ODF2L: variants seen among roughly 807,000 people sequenced by gnomAD.
ODF2L encodes protein BCAP.
ODF2L carries 76 observed loss-of-function variants against 86.3 expected under a neutral mutation model. The ratio of observed to expected loss-of-function variants is 0.88; its 90% CI spans 0.73 to 1.07. The LOEUF is 1.07. Ranked by LOEUF, ODF2L falls within the 50% of genes least tolerant of loss-of-function variation. ODF2L has a pLI of 0.00. For missense variants in ODF2L, 748 were observed against 717.4 expected, an observed-to-expected ratio of 1.04 and a Z score of -0.49; for synonymous variants, 241 against 231.3, an observed-to-expected ratio of 1.04 and a Z score of -0.38.
At chr1:86,362,813 C>T (rs557909075) in intron 11 of ODF2L, among the ~76,000 whole-genome samples, 43 of 152,246 alleles carry the variant, frequency 2.8e-4, no homozygotes, top group Admixed American at 2.8e-3. Flanking sequence ...GTGCCCGCCA[C>T]CATGCCCAGT....
At chr1:86,386,809 T>C (rs764409506) in intron 2 of ODF2L, 106 bp downstream of exon 2, 3 of 565,720 alleles carry the variant, frequency 5.3e-6, no homozygotes, top group Non-Finnish European at 9.3e-6. Flanking sequence ...TTGGAAAAGA[T>C]ACTCTTAAAA....
At chr1:86,395,138 CG>C (rs1165287533) in intron 1 of ODF2L, among the ~76,000 whole-genome samples, 1 of 152,172 alleles carries the variant, frequency 6.6e-6, no homozygotes, top group Non-Finnish European at 1.5e-5. Flanking sequence ...CCACCGCGCC[CG>C]GCCCGGTTTG....
chr1:86,384,180 C>T (rs1291265739), intron 4 of ODF2L, among the ~76,000 whole-genome samples: 1 of 151,600 alleles, frequency 6.6e-6, no homozygotes, highest in East Asian at 1.9e-4. Flanking sequence ...AAAAGGGAGT[C>T]AGAAGAATAA....
chr1:86,383,965 T>A (rs751556150), intron 4 of ODF2L, among the ~76,000 whole-genome samples: 3 of 151,790 alleles, frequency 2.0e-5, no homozygotes, highest in Non-Finnish European at 3.0e-5. Flanking sequence ...GTAACATATA[T>A]AAAGAAACAA....
intron 1 of ODF2L, among the ~76,000 whole-genome samples, chr1:86,388,097 G>C (rs1044472834): frequency 1.3e-5 from 2 of 151,978 alleles, no homozygotes. Context: ...ATGAAGTATG[G>C]TCACATTTTT....
chr1:86,356,366 G>A, intron 14 of ODF2L, 78 bp downstream of exon 13: 2 of 1,161,664 alleles, frequency 1.7e-6, no homozygotes, highest in Admixed American at 2.3e-5. Context: ...GCCCTGACAT[G>A]AGTGCCCTCA....
intron 5 of ODF2L, 39 bp from the exon 6 acceptor site, chr1:86,383,041 C>G: frequency 7.5e-7 from 1 of 1,325,538 alleles, no homozygotes; most frequent in Non-Finnish European, 1.1e-6. Flanking sequence ...AATTTCACAA[C>G]TTGGATAATA....
chr1:86,381,438 A>G (rs71662158), intron 7 of ODF2L, among the ~76,000 whole-genome samples: 8,328 of 152,174 alleles, frequency 0.055, 298 homozygotes, highest in African/African-American at 0.093. Flanking sequence ...AAAGGAACAC[A>G]CACACACACA....
intron 1 of ODF2L, among the ~76,000 whole-genome samples, chr1:86,390,494 A>C (rs1661247062): frequency 6.6e-6 from 1 of 152,226 alleles, no homozygotes; most frequent in South Asian, 2.1e-4. Flanking sequence ...ATGATCAAGC[A>C]GGTTTCATAC....
At chr1:86,380,932 T>C (rs1660536961) in intron 7 of ODF2L, among the ~76,000 whole-genome samples, 2 of 151,116 alleles carry the variant, frequency 1.3e-5, no homozygotes, top group African/African-American at 4.9e-5. Context: ...TGTTGCCAAA[T>C]TGAGTTCATT....
At position 86,372,314 on chromosome 1, in the gene ODF2L, T is replaced by C. The variant is rs903469690; in HGVS notation, c.920+117A>G. The C allele has an allele frequency of 2.1e-4, 91 of 423,370 alleles. 1 individual carries two copies. Among genetic ancestry groups the C allele is most frequent in the Non-Finnish European group, 1.1e-4 (26 of 239,382 alleles). The allele number at this position is 423,370 out of a possible 1,614,324, so 26.2% of individuals were successfully genotyped here. A position where few individuals can be genotyped will look rare whatever the true frequency, so the allele number is the denominator to read the frequency against. On this transcript the variant is annotated intron_variant, in intron 9 of 17. Coordinates refer to ENST00000317336, the Ensembl canonical transcript of ODF2L. ...TAAATAGCAAAAATATCAAATCATA[T>C]AGGTAGCACCTTTACCATATGTAAT...
At chr1:86,388,611 G>A (rs1661105617) in intron 1 of ODF2L, among the ~76,000 whole-genome samples, 1 of 151,008 alleles carries the variant, frequency 6.6e-6, no homozygotes, top group African/African-American at 2.4e-5. Context: ...GTCTTTTCAG[G>A]GATCATTAAA....
chr1:86,391,896 A>T (rs1661357579), intron 1 of ODF2L, among the ~76,000 whole-genome samples: 1 of 152,236 alleles, frequency 6.6e-6, no homozygotes, highest in Admixed American at 6.5e-5. Flanking sequence ...AGGAATAGTC[A>T]GCAGACTAAA....
At chr1:86,360,301 C>T in intron 12 of ODF2L, 125 bp downstream of exon 11, 2 of 548,418 alleles carry the variant, frequency 3.6e-6, no homozygotes, top group South Asian at 5.4e-5. Flanking sequence ...ATTTGAGACA[C>T]ACCATATTAT....
chr1:86,382,092 CA>C, intron 7 of ODF2L, 149 bp downstream of exon 7: 3 of 1,135,868 alleles, frequency 2.6e-6, no homozygotes, highest in East Asian at 6.4e-5. Context: ...AGTTAGGCCA[CA>C]AATATTAAGA....
rs1298327742 is a variant in ODF2L at position 86,351,957 on chromosome 1, A to C, written c.*234T>G. On this transcript the variant is annotated 3_prime_UTR_variant, in exon 18 of 18. Coordinates refer to ENST00000317336, the Ensembl canonical transcript of ODF2L. ...TTTTCAGAGGCTTCAATTACACAAA[A>C]AAACAGCACACACATTTTACAATAT... 3.3e-6 allele frequency: 4 copies of C among 1,229,814 alleles called. No homozygotes were observed. The African/African-American group carries it at 4.7e-5, about 14-fold the overall frequency. The allele number at this position is 1,229,814 out of a possible 1,614,324, so 76.2% of individuals were successfully genotyped here.
chr1:86,360,828 T>G (rs1658983172), intron 11 of ODF2L: 1 of 183,748 alleles, frequency 5.4e-6, no homozygotes, highest in Non-Finnish European at 1.1e-5. Flanking sequence ...ATACAGAGGT[T>G]ACTGGAAAAG....
At chr1:86,382,137 C>T (rs560217463) in intron 7 of ODF2L, 105 bp downstream of exon 7, 5 of 1,349,890 alleles carry the variant, frequency 3.7e-6, no homozygotes, top group Admixed American at 6.4e-5. Flanking sequence ...ATGTCAACAA[C>T]TGTGTATTTT....
At chr1:86,348,178 T>C (rs578076652), downstream of ODF2L, 13 of 152,240 alleles carry the variant, frequency 8.5e-5, no homozygotes, top group East Asian at 2.1e-3. Flanking sequence ...TCATTAGCAG[T>C]TGGTACTTAA....
Sources: allele counts gnomAD v4.1 joint callset (sites outside exome capture counted in the v4.1 genomes callset), GRCh38; gene constraint gnomAD v4.1.1; transcripts MANE v1.5; gene names NCBI Gene and HGNC (gene_info 2026-07-23, HGNC 2026-07-21).